Variants in CASR observed in about 807,000 individuals in gnomAD.
The protein encoded by CASR is calcium sensing receptor.
A neutral mutation model predicts 69.1 loss-of-function variants in CASR; 23 were observed. That is an observed-to-expected ratio of 0.33 (90% CI 0.24 to 0.47). CASR has a LOEUF of 0.47. CASR is among the 20% of genes least tolerant of loss of function. The probability of loss-of-function intolerance (pLI) is 1.00; values close to 1 mark genes in which losing one functional copy is unlikely to be tolerated. For missense variants in CASR, 924 were observed against 1,356.1 expected (o/e 0.68, Z 5.00); for synonymous variants, 541 against 544.7 (o/e 0.99, Z 0.10).
chr3:122,254,064 A>G lies in CASR; in HGVS notation c.-126A>G. The G allele has an allele frequency of 1.1e-6, 1 of 869,608 alleles. No homozygotes were observed. Among genetic ancestry groups the G allele is most frequent in the Non-Finnish European group, 1.9e-6 (1 of 512,990 alleles). The allele number at this position is 869,608 out of a possible 1,614,324, so 53.9% of individuals were successfully genotyped here. ...AGATTCAAACACCACGTCTTCTATT[A>G]TTTTATTAATCAATCTGTAGACATG... is the stretch of plus-strand genomic sequence containing the variant. On this transcript the variant is annotated 5_prime_UTR_variant, in exon 2 of 7. Coordinates refer to ENST00000639785, the MANE Select transcript of CASR (RefSeq NM_000388.4).
chr3:122,282,051 A>T, intron 5 of CASR, 62 bp from the exon 6 acceptor site: 1 of 1,612,846 alleles, frequency 6.2e-7, no homozygotes, highest in Non-Finnish European at 8.5e-7. Context: ...TTGAAGAGAC[A>T]GTAGGGCTGG....
At chr3:122,269,084 C>T (rs568563794) in intron 4 of CASR, among the ~76,000 whole-genome samples, 14 of 152,174 alleles carry the variant, frequency 9.2e-5, no homozygotes, top group African/African-American at 3.1e-4. Context: ...ATTTATTAGC[C>T]TAATTTGTAC....
intron 3 of CASR, among the ~76,000 whole-genome samples, chr3:122,260,549 G>A (rs2107630718): frequency 6.6e-6 from 1 of 152,318 alleles, no homozygotes; most frequent in South Asian, 2.1e-4. Context: ...GCTTCCCAAT[G>A]GAAGATTCTT....
chr3:122,270,213 G>T (rs998587569), intron 4 of CASR, among the ~76,000 whole-genome samples: 2 of 152,138 alleles, frequency 1.3e-5, no homozygotes, highest in African/African-American at 4.8e-5. Context: ...ATATGAGTCA[G>T]CTTTGATAGT....
intron 1 of CASR, among the ~76,000 whole-genome samples, chr3:122,226,146 C>T (rs927623764): frequency 2.6e-5 from 4 of 152,160 alleles, no homozygotes; most frequent in African/African-American, 7.2e-5. Context: ...AATGAAGCCA[C>T]GGACCCTCAC....
At chr3:122,187,630 G>A (rs1280875237) in intron 1 of CASR, among the ~76,000 whole-genome samples, 2 of 152,174 alleles carry the variant, frequency 1.3e-5, no homozygotes, top group African/African-American at 4.8e-5. Context: ...GAAGGGTCAG[G>A]GAAAGGTTCT....
In CASR at chr3:122,289,212, AC is replaced by A. The variant is rs1189767626; in HGVS notation, c.*4023del. ...GGAACATCAATAAGGGGTGCTAATCACCGGAGGAGGTGGCCCTCATTTGTCT... is the reference window on the plus strand; with the variant it reads ...GGAACATCAATAAGGGGTGCTAATCACGGAGGAGGTGGCCCTCATTTGTCT... On this transcript the variant is annotated 3_prime_UTR_variant, in exon 7 of 7. Coordinates refer to ENST00000639785, the MANE Select transcript of CASR (RefSeq NM_000388.4). 3 of 152,218 alleles carry A rather than the reference AC, an allele frequency of 2.0e-5. No homozygotes were observed. The highest frequency in any genetic ancestry group is 1.5e-5 in the Non-Finnish European group (1 of 68,050). 9.4% of individuals were successfully genotyped at this position (152,218 alleles called of 1,614,324 possible).
intron 1 of CASR, among the ~76,000 whole-genome samples, chr3:122,237,112 CTTTTTT>C (rs59408184): frequency 1.0e-5 from 1 of 96,230 alleles, no homozygotes. Context: ...AGTACTTATG[CTTTTTT>C]TTTTTTTTTT....
chr3:122,230,506 G>C (rs570552505), intron 1 of CASR, among the ~76,000 whole-genome samples: 1 of 152,180 alleles, frequency 6.6e-6, no homozygotes, highest in African/African-American at 2.4e-5. Context: ...TTCCCTGAGG[G>C]GCTTCCCCTC....
chr3:122,283,735 A>G lies in CASR; in HGVS notation c.1781A>G (p.Asn594Ser), dbSNP rs539831588. The change falls in exon 7 of 7, where the codon AAC (asparagine) becomes AGC (serine). Residue 594 changes from asparagine to serine, a missense_variant. Transcript: ENST00000639785. ...CCAGATGACTTCTGGTCCAATGAGA[A>G]CCACACCTCCTGCATTGCCAAGGAG... is the stretch of plus-strand genomic sequence containing the variant. ...KCPDDFWSNE[N>S]HTSCIAKEIE... 1 of 1,614,150 alleles carries G rather than the reference A, an allele frequency of 6.2e-7. No individual in the cohort carries two copies. Among genetic ancestry groups the G allele is most frequent in the Non-Finnish European group, 8.5e-7 (1 of 1,180,014 alleles).
At chr3:122,282,695 G>T (rs2074906963) in intron 6 of CASR, among the ~76,000 whole-genome samples, 1 of 152,206 alleles carries the variant, frequency 6.6e-6, no homozygotes, top group South Asian at 2.1e-4. Context: ...AGAATTAGAT[G>T]ATTAATATTG....
At chr3:122,219,960 A>G (rs1576830029) in intron 1 of CASR, among the ~76,000 whole-genome samples, 2 of 152,204 alleles carry the variant, frequency 1.3e-5, no homozygotes, top group African/African-American at 4.8e-5. Flanking sequence ...CACATGAGGT[A>G]AAATATTCAG....
intron 1 of CASR, among the ~76,000 whole-genome samples, chr3:122,193,610 AAC>A (rs1402865663): frequency 6.6e-6 from 1 of 152,216 alleles, no homozygotes; most frequent in Non-Finnish European, 1.5e-5. Context: ...ATGTGCCAGT[AAC>A]ACAGTTAAAA....
At chr3:122,250,742 C>T (rs1226612420) in intron 1 of CASR, among the ~76,000 whole-genome samples, 1 of 152,152 alleles carries the variant, frequency 6.6e-6, no homozygotes, top group East Asian at 1.9e-4. Flanking sequence ...TTTTTTAATG[C>T]TTTTATTCGA....
chr3:122,256,358 T>C (rs564397231), intron 2 of CASR, among the ~76,000 whole-genome samples: 6 of 152,362 alleles, frequency 3.9e-5, no homozygotes, highest in Non-Finnish European at 5.9e-5. Flanking sequence ...GTTTTCCTGG[T>C]CCTTTTCTTG....
chr3:122,284,771 C>G lies in CASR; in HGVS notation c.2817C>G (p.Thr939=). 6.2e-7 allele frequency: 1 copy of G among 1,614,116 alleles called. No individual in the cohort carries two copies. Among genetic ancestry groups the G allele is most frequent in the East Asian group, 2.2e-5 (1 of 44,878 alleles). ...RQKQQQPLAL[T]QQEQQQQPLT... ...AGCAGCAGCAGCCGCTGGCCCTAAC[C>G]CAGCAAGAGCAGCAGCAGCAGCCCC... Residue 939 remains threonine, a synonymous_variant, in exon 7 of 7, where the codon ACC becomes ACG. Transcript: ENST00000639785.
intron 1 of CASR, among the ~76,000 whole-genome samples, chr3:122,252,796 G>T (rs1331700077): frequency 6.6e-6 from 1 of 152,186 alleles, no homozygotes; most frequent in East Asian, 1.9e-4. Context: ...AGGGAGGTAA[G>T]TTTAGGGCCT....
intron 1 of CASR, chr3:122,247,386 G>C (rs7635128): frequency 0.84 from 127,425 of 152,180 alleles, 53,783 homozygotes; most frequent in Admixed American, 0.89. Flanking sequence ...GAGAGGCAAC[G>C]CCAGGATGTT....
chr3:122,186,842 G>C (rs1433630390), intron 1 of CASR, among the ~76,000 whole-genome samples: 1 of 152,180 alleles, frequency 6.6e-6, no homozygotes, highest in Non-Finnish European at 1.5e-5. Flanking sequence ...TTGGCTGCTA[G>C]TCATTAAGAA....
Sources: allele counts gnomAD v4.1 joint callset (sites outside exome capture counted in the v4.1 genomes callset), GRCh38; gene constraint gnomAD v4.1.1; transcripts MANE v1.5; gene names NCBI Gene and HGNC (gene_info 2026-07-23, HGNC 2026-07-21).